Variants in DNAJC24 observed in about 807,000 individuals in gnomAD.
DNAJC24 encodes the protein dnaJ homolog subfamily C member 24.
DNAJC24 carries 17 observed loss-of-function variants against 18.0 expected under a neutral mutation model. The observed-to-expected ratio is 0.94, with a 90% CI of 0.65 to 1.42. DNAJC24 has a LOEUF of 1.42. Ranked by LOEUF, DNAJC24 falls within the 40% of genes most tolerant of loss-of-function variation. DNAJC24 has a pLI of 0.00. For synonymous variants in DNAJC24, 55 were observed against 57.7 expected (o/e 0.95, Z 0.21); for missense variants, 158 against 175.6 (o/e 0.90, Z 0.57).
At chr11:31,380,450 G>C (rs1422147232) in intron 2 of DNAJC24, among the ~76,000 whole-genome samples, 1 of 152,100 alleles carries the variant, frequency 6.6e-6, no homozygotes, top group African/African-American at 2.4e-5. Flanking sequence ...ATGATTTGGC[G>C]TATGTTATTT....
intron 2 of DNAJC24, among the ~76,000 whole-genome samples, chr11:31,398,287 C>G (rs2167299): frequency 0.39 from 58,683 of 151,526 alleles, 11,765 homozygotes; most frequent in African/African-American, 0.47. Context: ...TTGACTTTCT[C>G]TCATCATTAG....
intron 2 of DNAJC24, among the ~76,000 whole-genome samples, chr11:31,396,875 G>C (rs917084193): frequency 6.6e-6 from 1 of 151,754 alleles, no homozygotes; most frequent in African/African-American, 2.4e-5. Flanking sequence ...CTCATTCTTG[G>C]TCTGACTTAC....
intron 1 of DNAJC24, among the ~76,000 whole-genome samples, chr11:31,370,494 A>G (rs1178937844): frequency 6.6e-6 from 1 of 152,166 alleles, no homozygotes; most frequent in East Asian, 1.9e-4. Context: ...TAATTAAAGT[A>G]TAAATATATA....
rs74481088 is a variant in DNAJC24 at position 31,432,240 on chromosome 11, T to G, written c.*1839T>G. On this transcript the variant is annotated 3_prime_UTR_variant, in exon 5 of 5. Transcript: ENST00000465995. Reference sequence around the variant, plus strand: ...ACCTATAAGAACAAGAATTCAAAAGTGAGGTAGTCATCCAGGTTCCCCCTC... The same window carrying G: ...ACCTATAAGAACAAGAATTCAAAAGGGAGGTAGTCATCCAGGTTCCCCCTC... 4.5e-4 allele frequency among the ~76,000 whole-genome samples: 68 copies of G among 152,324 alleles called. No homozygotes were observed. Among genetic ancestry groups the G allele is most frequent in the African/African-American group, 1.6e-3 (67 of 41,564 alleles).
At chr11:31,425,089 C>T (rs1047041845) in intron 3 of DNAJC24, among the ~76,000 whole-genome samples, 1 of 151,922 alleles carries the variant, frequency 6.6e-6, no homozygotes, top group African/African-American at 2.4e-5. Context: ...ATCTTTGACC[C>T]AAAGAACACT....
chr11:31,404,211 C>T (rs1343738342), intron 2 of DNAJC24, among the ~76,000 whole-genome samples: 1 of 152,176 alleles, frequency 6.6e-6, no homozygotes, highest in Non-Finnish European at 1.5e-5. Flanking sequence ...AACCTCCTAT[C>T]TCATCCTGTG....
At chr11:31,382,863 G>C (rs1001169185) in intron 2 of DNAJC24, among the ~76,000 whole-genome samples, 1 of 152,202 alleles carries the variant, frequency 6.6e-6, no homozygotes, top group African/African-American at 2.4e-5. Context: ...TTAGGTGTCA[G>C]ATGCAAGCCC....
chr11:31,373,785 A>G (rs1282029953), intron 2 of DNAJC24, among the ~76,000 whole-genome samples: 2 of 134,486 alleles, frequency 1.5e-5, no homozygotes, highest in Admixed American at 7.7e-5. Flanking sequence ...AGTGTTTTAT[A>G]ATTTTCAGTG....
At chr11:31,413,980 G>A (rs893637225) in intron 2 of DNAJC24, among the ~76,000 whole-genome samples, 1 of 152,164 alleles carries the variant, frequency 6.6e-6, no homozygotes, top group Non-Finnish European at 1.5e-5. Context: ...GAAAAGGAAG[G>A]AAGGAGATAG....
chr11:31,387,237 C>T (rs1040324633), intron 2 of DNAJC24, among the ~76,000 whole-genome samples: 26 of 152,246 alleles, frequency 1.7e-4, no homozygotes, highest in African/African-American at 5.3e-4. Context: ...TAGAGCACTG[C>T]GACCTTGAGT....
chr11:31,384,218 C>G (rs1351269696), intron 2 of DNAJC24, among the ~76,000 whole-genome samples: 1 of 152,216 alleles, frequency 6.6e-6, no homozygotes, highest in Non-Finnish European at 1.5e-5. Flanking sequence ...TAAGGCACAA[C>G]TCAAAGAACT....
chr11:31,399,628 G>C (rs1326097257), intron 2 of DNAJC24, among the ~76,000 whole-genome samples: 1 of 150,810 alleles, frequency 6.6e-6, no homozygotes, highest in African/African-American at 2.4e-5. Context: ...TGGCCAGGCT[G>C]GCCTCGAACC....
At chr11:31,378,238 A>G (rs1952337540) in intron 2 of DNAJC24, among the ~76,000 whole-genome samples, 1 of 152,128 alleles carries the variant, frequency 6.6e-6, no homozygotes, top group Non-Finnish European at 1.5e-5. Context: ...AATCTGGAAG[A>G]TATAACTTGT....
In DNAJC24 at chr11:31,386,260, G is replaced by T. The variant is rs150438710; in HGVS notation, c.111+15401G>T. ...GTCCACGTGACCTGATGAGATACCA[G>T]CTAGGGTGGCCCAGGGAGTACTTGC... On this transcript the variant is annotated intron_variant, in intron 2 of 4. Transcript: ENST00000465995. 8.6e-5 allele frequency among the ~76,000 whole-genome samples: 13 copies of T among 151,882 alleles called. No individual in the cohort carries two copies. The East Asian group carries it at 2.4e-3, about 28-fold the overall frequency.
chr11:31,405,796 GT>G (rs1236398242), intron 2 of DNAJC24, among the ~76,000 whole-genome samples: 2 of 152,160 alleles, frequency 1.3e-5, no homozygotes, highest in African/African-American at 2.4e-5. Context: ...TTGGCTCACA[GT>G]TCTGGAGGCT....
intron 2 of DNAJC24, among the ~76,000 whole-genome samples, chr11:31,412,075 G>A (rs1039876362): frequency 3.3e-5 from 5 of 152,030 alleles, no homozygotes; most frequent in Non-Finnish European, 7.4e-5. Flanking sequence ...TTAATAATCA[G>A]GAAAATACCA....
intron 2 of DNAJC24, chr11:31,384,484 T>G (rs1489808848): frequency 6.6e-6 from 1 of 152,246 alleles, no homozygotes; most frequent in African/African-American, 2.4e-5. Context: ...TGAATTGTGC[T>G]GGATTTTGCT....
intron 3 of DNAJC24, among the ~76,000 whole-genome samples, chr11:31,419,089 A>C (rs1952779346): frequency 6.6e-6 from 1 of 152,128 alleles, no homozygotes; most frequent in Non-Finnish European, 1.5e-5. Context: ...GTTAGGAATA[A>C]TAACTTAAGG....
chr11:31,382,518 T>C (rs1240715727), intron 2 of DNAJC24, among the ~76,000 whole-genome samples: 1 of 152,210 alleles, frequency 6.6e-6, no homozygotes, highest in Non-Finnish European at 1.5e-5. Context: ...TTAACTATTA[T>C]TGTCCATCAA....
Sources: allele counts gnomAD v4.1 joint callset (sites outside exome capture counted in the v4.1 genomes callset), GRCh38; gene constraint gnomAD v4.1.1; transcripts MANE v1.5; gene names NCBI Gene and HGNC (gene_info 2026-07-23, HGNC 2026-07-21).